SLC25A51: variants seen among roughly 807,000 people sequenced by gnomAD.
SLC25A51 encodes mitochondrial nicotinamide adenine dinucleotide transporter SLC25A51.
A neutral mutation model predicts 19.1 loss-of-function variants in SLC25A51; 11 were observed. That is an observed-to-expected ratio of 0.58 (90% CI 0.36 to 0.96). SLC25A51 has a LOEUF of 0.96. Among genes scored for constraint, SLC25A51 ranks in the 40% least tolerant of loss-of-function variants. SLC25A51 has a pLI of 0.01. For synonymous variants in SLC25A51, 105 were observed against 133.6 expected (o/e 0.79, Z 1.47); for missense variants, 201 against 365.4 (o/e 0.55, Z 3.67).
At chr9:37,878,404 CAGA>C (rs1443152535), downstream of SLC25A51, 7 of 182,198 alleles carry the variant, frequency 3.8e-5, no homozygotes, top group East Asian at 8.8e-4. Flanking sequence ...GAATGGTTTG[CAGA>C]AGAATACCAA....
At chr9:37,893,977 C>A (rs1444919105) in intron 2 of SLC25A51, among the ~76,000 whole-genome samples, 1 of 152,094 alleles carries the variant, frequency 6.6e-6, no homozygotes, top group African/African-American at 2.4e-5. Flanking sequence ...TCAACCTACT[C>A]GTCATTTTAA....
intron 2 of SLC25A51, among the ~76,000 whole-genome samples, chr9:37,891,607 G>C (rs911584616): frequency 6.6e-6 from 1 of 152,056 alleles, no homozygotes; most frequent in Non-Finnish European, 1.5e-5. Flanking sequence ...AGGGTTAAAT[G>C]GATTAAGGGC....
intron 1 of SLC25A51, among the ~76,000 whole-genome samples, chr9:37,901,957 T>C (rs1831857992): frequency 1.3e-5 from 2 of 152,260 alleles, no homozygotes; most frequent in Admixed American, 1.3e-4. Context: ...ACCTATGTAA[T>C]GCTTTGCACT....
chr9:37,895,190 T>C (rs1444602185), intron 2 of SLC25A51, among the ~76,000 whole-genome samples: 1 of 152,096 alleles, frequency 6.6e-6, no homozygotes, highest in Non-Finnish European at 1.5e-5. Flanking sequence ...CCATGTGAAT[T>C]GTTTTGCCAT....
chr9:37,883,454 A>G (rs1042308894), downstream of SLC25A51, among the ~76,000 whole-genome samples: 75 of 152,390 alleles, frequency 4.9e-4, no homozygotes, highest in African/African-American at 1.5e-3. Flanking sequence ...AGCAGAAACC[A>G]AAGCATTTTC....
At chr9:37,892,593 G>A (rs1336818845) in intron 2 of SLC25A51, among the ~76,000 whole-genome samples, 4 of 146,744 alleles carry the variant, frequency 2.7e-5, no homozygotes. Context: ...CTTTTTTTTT[G>A]AGACAGTGTC....
intron 2 of SLC25A51, among the ~76,000 whole-genome samples, chr9:37,899,004 C>G (rs1262344417): frequency 6.6e-6 from 1 of 152,116 alleles, no homozygotes; most frequent in Non-Finnish European, 1.5e-5. Flanking sequence ...TACTTAAATC[C>G]TAGCTCCACC....
chr9:37,886,249 T>C, downstream of SLC25A51: 3 of 1,610,538 alleles, frequency 1.9e-6, no homozygotes, highest in South Asian at 2.2e-5. Context: ...CTGAGGAGAA[T>C]GTGATCCGAG....
downstream of SLC25A51, chr9:37,886,451 G>A: frequency 6.7e-7 from 1 of 1,491,152 alleles, no homozygotes; most frequent in Non-Finnish European, 9.0e-7. Context: ...ATAACCACAA[G>A]CCTGAGACTA....
intron 2 of SLC25A51, among the ~76,000 whole-genome samples, chr9:37,890,045 G>A (rs1191853667): frequency 6.6e-6 from 1 of 151,916 alleles, no homozygotes; most frequent in Non-Finnish European, 1.5e-5. Flanking sequence ...GTATGTGTGT[G>A]TGTATATGAG....
chr9:37,891,421 G>A (rs1831582971), intron 2 of SLC25A51, among the ~76,000 whole-genome samples: 1 of 152,216 alleles, frequency 6.6e-6, no homozygotes, highest in African/African-American at 2.4e-5. Context: ...AGAAAAGGGG[G>A]AAATGTGGGG....
intron 2 of SLC25A51, among the ~76,000 whole-genome samples, chr9:37,891,613 A>G (rs1831588126): frequency 6.6e-6 from 1 of 152,090 alleles, no homozygotes; most frequent in South Asian, 2.1e-4. Flanking sequence ...AAATGGATTA[A>G]GGGCGGTGCA....
chr9:37,880,570 G>C (rs1831331360), exon 4 of SLC25A51: 1 of 151,992 alleles, frequency 6.6e-6, no homozygotes, highest in East Asian at 1.9e-4. Context: ...GACCAACATG[G>C]AGAAACCCCA....
exon 4 of SLC25A51, chr9:37,879,665 A>G (rs1162276269): frequency 6.6e-6 from 1 of 152,258 alleles, no homozygotes; most frequent in African/African-American, 2.4e-5. Flanking sequence ...AAATAGAAAC[A>G]TGGTGACATA....
intron 2 of SLC25A51, among the ~76,000 whole-genome samples, chr9:37,882,183 C>T (rs1831361126): frequency 6.6e-6 from 1 of 152,198 alleles, no homozygotes; most frequent in Non-Finnish European, 1.5e-5. Flanking sequence ...CTTTGATATA[C>T]ATTTGCACAT....
downstream of SLC25A51, among the ~76,000 whole-genome samples, chr9:37,884,217 C>T (rs1831402660): frequency 6.6e-6 from 1 of 152,178 alleles, no homozygotes; most frequent in South Asian, 2.1e-4. Context: ...TCTTGTATTT[C>T]ATTAGTCAAT....
At chr9:37,895,951 T>G (rs1831705840) in intron 2 of SLC25A51, among the ~76,000 whole-genome samples, 1 of 151,956 alleles carries the variant, frequency 6.6e-6, no homozygotes, top group African/African-American at 2.4e-5. Flanking sequence ...GTAGCTGGGA[T>G]GATAGGTGTG....
chr9:37,895,224 CA>C (rs1326746822), intron 2 of SLC25A51, among the ~76,000 whole-genome samples: 10 of 151,520 alleles, frequency 6.6e-5, no homozygotes, highest in African/African-American at 2.4e-4. Context: ...TTTTTTGAGA[CA>C]AGGTCTCATT....
At chr9:37,892,683 C>T (rs1035786533) in intron 2 of SLC25A51, among the ~76,000 whole-genome samples, 2 of 151,704 alleles carry the variant, frequency 1.3e-5, no homozygotes, top group Non-Finnish European at 2.9e-5. Context: ...AAGCAATTCT[C>T]CCACCTCAGC....
Sources: allele counts gnomAD v4.1 joint callset (sites outside exome capture counted in the v4.1 genomes callset), GRCh38; gene constraint gnomAD v4.1.1; transcripts MANE v1.5; gene names NCBI Gene and HGNC (gene_info 2026-07-23, HGNC 2026-07-21).